The following SLC35F4 variants were observed in gnomAD, a reference collection of about 807,000 sequenced individuals.
SLC35F4 encodes the protein solute carrier family 35 member F4, also known as chromosome 14 open reading frame 36.
In SLC35F4, 24 loss-of-function variants were observed where a neutral mutation model predicts 44.2. That is an observed-to-expected ratio of 0.54 (90% confidence interval 0.39 to 0.76). The LOEUF (loss-of-function observed/expected upper bound fraction) is 0.76, where lower values mean the gene tolerates loss of function less well. Among genes scored for constraint, SLC35F4 ranks in the 30% least tolerant of loss-of-function variants. The pLI, the probability that SLC35F4 is intolerant of heterozygous loss-of-function variation, is 0.00. For synonymous variants in SLC35F4, 238 were observed against 223.6 expected (o/e 1.06, Z -0.57); for missense variants, 562 against 586.1 (o/e 0.96, Z 0.42).
chr14:57,844,823 G>A (rs537335414), intron 1 of SLC35F4, among the ~76,000 whole-genome samples: 11 of 152,168 alleles, frequency 7.2e-5, no homozygotes, highest in African/African-American at 1.4e-4. Flanking sequence ...ACTGCCCTCC[G>A]CCCTCTGTCC....
intron 1 of SLC35F4, among the ~76,000 whole-genome samples, chr14:57,703,131 GT>G (rs2075584571): frequency 6.6e-6 from 1 of 152,030 alleles, no homozygotes. Context: ...TTCAAGTCAG[GT>G]TTTTTGCCAC....
chr14:57,866,245 C>A (rs761406531), upstream of SLC35F4, among the ~76,000 whole-genome samples: 5 of 152,254 alleles, frequency 3.3e-5, no homozygotes, highest in East Asian at 3.9e-4. Context: ...GTCAGTGGGG[C>A]GCGAGAGGAG....
At chr14:57,666,347 G>T (rs1434351453) in intron 1 of SLC35F4, among the ~76,000 whole-genome samples, 1 of 151,966 alleles carries the variant, frequency 6.6e-6, no homozygotes, top group Non-Finnish European at 1.5e-5. Context: ...CTTCACTGTA[G>T]GTACAACTAT....
rs185822739 is a variant in SLC35F4 at position 57,797,583 on chromosome 14, A to T, written c.103+68140T>A. 3.3e-3 allele frequency among the ~76,000 whole-genome samples: 499 copies of T among 152,104 alleles called. 5 individuals carry two copies. Among genetic ancestry groups the T allele is most frequent in the African/African-American group, 0.011 (461 of 41,354 alleles). On this transcript the variant is annotated intron_variant, in intron 1 of 7. Transcript: ENST00000556826. ...TACCTTCCAGCTCAAACAGTCTATG[A>T]AAAGTAGCTTAGGAGTATTCTATGC...
chr14:57,940,295 T>G (rs1889893310), intron 1 of SLC35F4, among the ~76,000 whole-genome samples: 1 of 152,126 alleles, frequency 6.6e-6, no homozygotes. Context: ...TTGCTAAGTG[T>G]GAGATGGTAG....
intron 1 of SLC35F4, among the ~76,000 whole-genome samples, chr14:57,616,915 T>C (rs2071864357): frequency 1.3e-5 from 2 of 151,944 alleles, no homozygotes; most frequent in African/African-American, 4.8e-5. Flanking sequence ...CCTCGCCCCA[T>C]CCCCTTTCTC....
chr14:57,730,311 C>T (rs1092021), intron 1 of SLC35F4, among the ~76,000 whole-genome samples: 129,644 of 152,174 alleles, frequency 0.85, 57,078 homozygotes, highest in Non-Finnish European at 0.97. Flanking sequence ...ATCTTCTCAT[C>T]TTTTGTCTTT....
intron 1 of SLC35F4, among the ~76,000 whole-genome samples, chr14:57,711,964 T>C (rs1022769772): frequency 1.3e-5 from 2 of 152,216 alleles, no homozygotes; most frequent in African/African-American, 2.4e-5. Flanking sequence ...TGTCTGTTTC[T>C]AATTTTAAGT....
intron 1 of SLC35F4, among the ~76,000 whole-genome samples, chr14:57,642,849 C>T (rs1594678450): frequency 6.6e-6 from 1 of 151,996 alleles, no homozygotes; most frequent in African/African-American, 2.4e-5. Flanking sequence ...TTAAATAAAA[C>T]ATTTAATTAT....
At chr14:57,763,862 G>A (rs2077178943) in intron 1 of SLC35F4, among the ~76,000 whole-genome samples, 1 of 152,112 alleles carries the variant, frequency 6.6e-6, no homozygotes, top group African/African-American at 2.4e-5. Context: ...ACCAAGAAGT[G>A]TTATCTAATT....
chr14:57,646,833 G>A (rs1267620590), intron 1 of SLC35F4, among the ~76,000 whole-genome samples: 6 of 151,904 alleles, frequency 3.9e-5, no homozygotes, highest in Admixed American at 1.3e-4. Context: ...CTTTGTTCTC[G>A]TTCATTTCAA....
intron 1 of SLC35F4, among the ~76,000 whole-genome samples, chr14:57,678,799 A>C (rs1255674672): frequency 6.6e-6 from 1 of 152,140 alleles, no homozygotes; most frequent in African/African-American, 2.4e-5. Context: ...GTAATGGTAA[A>C]TGGATCAATG....
intron 4 of SLC35F4, among the ~76,000 whole-genome samples, chr14:57,579,247 G>T (rs1649125292): frequency 6.6e-6 from 1 of 152,196 alleles, no homozygotes; most frequent in African/African-American, 2.4e-5. Flanking sequence ...AGATTTGGGG[G>T]ATTAAGATGT....
chr14:57,644,431 T>A (rs2073401200), intron 1 of SLC35F4, among the ~76,000 whole-genome samples: 1 of 151,334 alleles, frequency 6.6e-6, no homozygotes, highest in Admixed American at 6.6e-5. Flanking sequence ...GAGAAGTGTC[T>A]GTTCATATCC....
chr14:57,915,770 T>C (rs921051895), intron 1 of SLC35F4, among the ~76,000 whole-genome samples: 3 of 152,332 alleles, frequency 2.0e-5, no homozygotes, highest in Non-Finnish European at 2.9e-5. Flanking sequence ...TACCAATATT[T>C]TGATCACAAC....
chr14:57,602,631 C>T (rs2070896671), intron 1 of SLC35F4: 2 of 152,006 alleles, frequency 1.3e-5, no homozygotes, highest in African/African-American at 2.4e-5. Context: ...GTATGTAAGC[C>T]AGTTATAATC....
At chr14:57,934,283 TGAG>T (rs997831781) in intron 1 of SLC35F4, among the ~76,000 whole-genome samples, 20 of 150,650 alleles carry the variant, frequency 1.3e-4, no homozygotes, top group Admixed American at 1.0e-3. Flanking sequence ...AGTGGGATGA[TGAG>T]AATAGTGGAG....
intron 1 of SLC35F4, among the ~76,000 whole-genome samples, chr14:57,899,097 A>G (rs950189324): frequency 1.3e-5 from 2 of 152,212 alleles, no homozygotes; most frequent in African/African-American, 4.8e-5. Flanking sequence ...TGGTATGAGA[A>G]GCAACAGGCT....
chr14:57,866,553 T>C (rs1453839531), upstream of SLC35F4, among the ~76,000 whole-genome samples: 5 of 152,176 alleles, frequency 3.3e-5, no homozygotes, highest in African/African-American at 1.2e-4. Context: ...ATCCAGGTTT[T>C]GCAGACGCAA....
Sources: allele counts gnomAD v4.1 joint callset (sites outside exome capture counted in the v4.1 genomes callset), GRCh38; gene constraint gnomAD v4.1.1; transcripts MANE v1.5; gene names NCBI Gene and HGNC (gene_info 2026-07-23, HGNC 2026-07-21).